Variants in DIAPH3 observed in about 807,000 individuals in gnomAD.
The protein encoded by DIAPH3 is protein diaphanous homolog 3.
A neutral mutation model predicts 144.3 loss-of-function variants in DIAPH3; 117 were observed. The observed-to-expected ratio is 0.81, with a 90% confidence interval of 0.70 to 0.95. The LOEUF (loss-of-function observed/expected upper bound fraction) is 0.95. DIAPH3 is among the 40% of genes least tolerant of loss of function. DIAPH3 has a pLI of 0.00. For synonymous variants in DIAPH3, 519 were observed against 488.9 expected (o/e 1.06, Z -0.81); for missense variants, 1,421 against 1,412.7 (o/e 1.01, Z -0.09).
intron 17 of DIAPH3, among the ~76,000 whole-genome samples, chr13:59,969,643 C>T (rs2050244501): frequency 6.6e-6 from 1 of 152,060 alleles, no homozygotes; most frequent in Non-Finnish European, 1.5e-5. Flanking sequence ...CTTCTCATGC[C>T]AAAACTGTCA....
chr13:59,918,452 G>A (rs2047344506), intron 18 of DIAPH3, among the ~76,000 whole-genome samples: 1 of 152,140 alleles, frequency 6.6e-6, no homozygotes, highest in Non-Finnish European at 1.5e-5. Flanking sequence ...GATGACTGCA[G>A]CGACCTTCGT....
At chr13:59,740,787 C>T (rs1331221294) in intron 27 of DIAPH3, among the ~76,000 whole-genome samples, 1 of 151,974 alleles carries the variant, frequency 6.6e-6, no homozygotes, top group African/African-American at 2.4e-5. Context: ...TATTTACTTC[C>T]CCCTTCATAT....
chr13:59,837,360 C>T (rs934917999), intron 23 of DIAPH3, among the ~76,000 whole-genome samples: 5 of 152,008 alleles, frequency 3.3e-5, no homozygotes, highest in African/African-American at 7.2e-5. Flanking sequence ...AAGAAGCCGA[C>T]ATCATTCAGT....
chr13:59,881,556 C>A (rs2045048450), intron 20 of DIAPH3, among the ~76,000 whole-genome samples: 1 of 151,996 alleles, frequency 6.6e-6, no homozygotes, highest in East Asian at 1.9e-4. Flanking sequence ...TACATTATAC[C>A]ACCCCAAAAT....
intron 9 of DIAPH3, 104 bp downstream of exon 9, chr13:60,008,440 G>A (rs554788644): frequency 2.8e-6 from 2 of 715,826 alleles, no homozygotes; most frequent in African/African-American, 1.8e-5. Context: ...ATATTAAAAG[G>A]CATGCAGAGC....
intron 4 of DIAPH3, among the ~76,000 whole-genome samples, chr13:60,086,667 G>A (rs1031197060): frequency 1.3e-5 from 2 of 151,876 alleles, no homozygotes; most frequent in Non-Finnish European, 2.9e-5. Flanking sequence ...TAAGTTTCTA[G>A]TGGTTAAAAT....
At chr13:60,086,262 G>C (rs1274459908) in intron 4 of DIAPH3, among the ~76,000 whole-genome samples, 1 of 152,050 alleles carries the variant, frequency 6.6e-6, no homozygotes. Flanking sequence ...AACACCACTG[G>C]TGCTGCCCAG....
At chr13:60,149,415 G>C (rs1436283578) in intron 1 of DIAPH3, among the ~76,000 whole-genome samples, 1 of 152,050 alleles carries the variant, frequency 6.6e-6, no homozygotes, top group East Asian at 1.9e-4. Context: ...TCCCATGTGG[G>C]AAAAAAGTGG....
chr13:59,678,426 C>T (rs1450213563), intron 27 of DIAPH3, among the ~76,000 whole-genome samples: 4 of 152,112 alleles, frequency 2.6e-5, no homozygotes, highest in African/African-American at 7.2e-5. Context: ...TGAGAGAGCC[C>T]TACTCATCCT....
intron 17 of DIAPH3, among the ~76,000 whole-genome samples, chr13:59,926,802 G>T (rs1413980498): frequency 6.6e-6 from 1 of 152,106 alleles, no homozygotes; most frequent in Admixed American, 6.5e-5. Flanking sequence ...TGTGTGTTGT[G>T]CACCTACTGG....
At chr13:59,845,604 C>T (rs2042587011) in intron 22 of DIAPH3, among the ~76,000 whole-genome samples, 1 of 152,128 alleles carries the variant, frequency 6.6e-6, no homozygotes, top group Non-Finnish European at 1.5e-5. Flanking sequence ...GCTTATAGTT[C>T]CCCTGCCCAT....
intron 17 of DIAPH3, among the ~76,000 whole-genome samples, chr13:59,929,162 G>GT (rs2047894572): frequency 6.6e-6 from 1 of 152,124 alleles, no homozygotes; most frequent in Admixed American, 6.5e-5. Flanking sequence ...TGCTCAACCC[G>GT]TAAGTATTAT....
intron 17 of DIAPH3, among the ~76,000 whole-genome samples, chr13:59,933,770 C>T (rs9538533): frequency 0.75 from 114,324 of 152,110 alleles, 43,089 homozygotes; most frequent in Admixed American, 0.8. Context: ...GACAAAAGTT[C>T]CTATGTTGCC....
intron 7 of DIAPH3, among the ~76,000 whole-genome samples, chr13:60,014,899 G>A (rs778631872): frequency 2.0e-5 from 3 of 152,132 alleles, no homozygotes; most frequent in Admixed American, 6.5e-5. Context: ...AAGCAAAAAA[G>A]AAACATTGCT....
chr13:59,916,015 A>C lies in DIAPH3; in HGVS notation c.2265+140T>G. The C allele has an allele frequency of 4.2e-6, 3 of 712,940 alleles. No homozygotes were observed. The South Asian group carries it at 4.9e-5, about 12-fold the overall frequency. 44.2% of individuals were successfully genotyped at this position (712,940 alleles called of 1,614,324 possible). On this transcript the variant is annotated intron_variant, in intron 19 of 27. Transcript: ENST00000400324. ...CAGCTTTCTCTCCTGGCAATGCAGA[A>C]GTTATGCTAAAACTAATTATGCAGC...
intron 4 of DIAPH3, among the ~76,000 whole-genome samples, chr13:60,088,055 CA>C (rs2057806305): frequency 6.6e-6 from 1 of 152,036 alleles, no homozygotes; most frequent in Non-Finnish European, 1.5e-5. Context: ...CCTAATGGTA[CA>C]GCCAAAAAGT....
chr13:60,053,125 T>G (rs1201754698), intron 4 of DIAPH3, among the ~76,000 whole-genome samples: 1 of 151,644 alleles, frequency 6.6e-6, no homozygotes, highest in African/African-American at 2.4e-5. Context: ...AAAAGGAAAT[T>G]GAGGGGGAAA....
intron 3 of DIAPH3, among the ~76,000 whole-genome samples, chr13:60,106,851 AC>A (rs1438534670): frequency 6.6e-6 from 1 of 152,172 alleles, no homozygotes; most frequent in African/African-American, 2.4e-5. Flanking sequence ...TACTTGCAAA[AC>A]TTAAAAAGTC....
intron 4 of DIAPH3, among the ~76,000 whole-genome samples, chr13:60,074,705 C>T (rs1180613711): frequency 6.6e-6 from 1 of 152,134 alleles, no homozygotes; most frequent in Non-Finnish European, 1.5e-5. Context: ...TGCACAGACA[C>T]CCACTCATTC....
Sources: gnomAD v4.1 joint callset for allele counts (sites outside exome capture counted in the v4.1 genomes callset) on GRCh38, gnomAD v4.1.1 for gene constraint, MANE v1.5 for transcripts, NCBI Gene and HGNC (gene_info 2026-07-23, HGNC 2026-07-21) for gene names.